AFG1L: variants seen among roughly 807,000 people sequenced by gnomAD.
The protein encoded by AFG1L is AFG1-like ATPase.
A neutral mutation model predicts 62.2 loss-of-function variants in AFG1L; 53 were observed. That is an observed-to-expected ratio of 0.85 (90% CI 0.68 to 1.07). The LOEUF is 1.07. Among genes scored for constraint, AFG1L ranks in the 50% least tolerant of loss-of-function variants. The pLI, the probability that AFG1L is intolerant of heterozygous loss-of-function variation, is 0.00. For missense variants in AFG1L, 555 were observed against 590.5 expected (o/e 0.94, Z 0.62); for synonymous variants, 228 against 210.3 (o/e 1.08, Z -0.73).
intron 10 of AFG1L, among the ~76,000 whole-genome samples, chr6:108,496,008 AG>A (rs1255582104): frequency 6.6e-6 from 1 of 152,242 alleles, no homozygotes; most frequent in Non-Finnish European, 1.5e-5. Flanking sequence ...AACATACTCA[AG>A]GATGCTACTA....
At chr6:108,312,585 A>G (rs1344456227) in intron 1 of AFG1L, among the ~76,000 whole-genome samples, 1 of 152,174 alleles carries the variant, frequency 6.6e-6, no homozygotes, top group Non-Finnish European at 1.5e-5. Flanking sequence ...ATAAAAAAGA[A>G]TATCAATACA....
At chr6:108,411,176 C>A (rs1782092530) in intron 7 of AFG1L, among the ~76,000 whole-genome samples, 1 of 152,056 alleles carries the variant, frequency 6.6e-6, no homozygotes, top group African/African-American at 2.4e-5. Context: ...GCACAGCAGT[C>A]TGAGATTGAA....
intron 6 of AFG1L, among the ~76,000 whole-genome samples, chr6:108,396,928 T>C (rs1377300834): frequency 6.6e-6 from 1 of 152,244 alleles, no homozygotes; most frequent in Non-Finnish European, 1.5e-5. Flanking sequence ...AACAATCCAT[T>C]ATACTCTATT....
chr6:108,389,060 C>A (rs1780918985), intron 6 of AFG1L, among the ~76,000 whole-genome samples: 1 of 152,116 alleles, frequency 6.6e-6, no homozygotes, highest in African/African-American at 2.4e-5. Context: ...TCTGGGTGCT[C>A]CTGTATTGGG....
intron 1 of AFG1L, among the ~76,000 whole-genome samples, chr6:108,309,337 GTTCCATTGGTCTA>G (rs1324709659): frequency 6.6e-6 from 1 of 151,982 alleles, no homozygotes; most frequent in African/African-American, 2.4e-5. Flanking sequence ...CTTCTATTTT[GTTCCATTGGTCTA>G]TTCTTGTACC....
At chr6:108,485,949 A>G (rs904800881) in intron 10 of AFG1L, among the ~76,000 whole-genome samples, 44 of 151,896 alleles carry the variant, frequency 2.9e-4, no homozygotes, top group African/African-American at 1.0e-3. Flanking sequence ...CTGGGATTAC[A>G]GGCATGAGCC....
chr6:108,307,537 AGTAACT>A (rs1467334695), intron 1 of AFG1L, among the ~76,000 whole-genome samples: 1 of 151,726 alleles, frequency 6.6e-6, no homozygotes, highest in East Asian at 1.9e-4. Flanking sequence ...CAGTCTCCTG[AGTAACT>A]GAGACTACAG....
intron 8 of AFG1L, among the ~76,000 whole-genome samples, chr6:108,451,800 C>G (rs970731766): frequency 5.9e-5 from 9 of 152,010 alleles, no homozygotes; most frequent in Admixed American, 5.2e-4. Context: ...CTCACTGCAA[C>G]CTCTGCTTCC....
intron 11 of AFG1L, among the ~76,000 whole-genome samples, chr6:108,519,479 G>T (rs1420857720): frequency 6.6e-6 from 1 of 152,144 alleles, no homozygotes; most frequent in Non-Finnish European, 1.5e-5. Context: ...TACTTCACAG[G>T]GTGGTATGAG....
At chr6:108,402,464 GA>G in intron 7 of AFG1L, among the ~76,000 whole-genome samples, 1 of 70,984 alleles carries the variant, frequency 1.4e-5, no homozygotes, top group African/African-American at 8.7e-5. Context: ...ACGCCGTCTC[GA>G]ATAAAAAAAA....
At chr6:108,497,835 G>A (rs1774031059) in intron 10 of AFG1L, among the ~76,000 whole-genome samples, 1 of 152,156 alleles carries the variant, frequency 6.6e-6, no homozygotes, top group Admixed American at 6.5e-5. Context: ...GTAAATCTCT[G>A]TAGCAAGTAT....
intron 8 of AFG1L, 80 bp from the exon 9 acceptor site, chr6:108,476,785 A>G: frequency 1.0e-6 from 1 of 955,502 alleles, no homozygotes; most frequent in South Asian, 1.4e-5. Context: ...ATGGGCAAAA[A>G]GCTAAGCAGT....
intron 7 of AFG1L, among the ~76,000 whole-genome samples, chr6:108,417,960 G>A (rs1357107028): frequency 2.0e-5 from 3 of 152,000 alleles, no homozygotes; most frequent in South Asian, 4.2e-4. Flanking sequence ...CAGCCTCCCG[G>A]GTAGCTGGGA....
chr6:108,348,969 G>T (rs1778973849), intron 3 of AFG1L, among the ~76,000 whole-genome samples: 1 of 152,128 alleles, frequency 6.6e-6, no homozygotes, highest in Non-Finnish European at 1.5e-5. Context: ...CAGCCATATG[G>T]TAACTAATTG....
chr6:108,315,330 T>C (rs938400430), intron 1 of AFG1L, among the ~76,000 whole-genome samples: 4 of 152,220 alleles, frequency 2.6e-5, no homozygotes, highest in Non-Finnish European at 5.9e-5. Flanking sequence ...TGGGATGTTA[T>C]TGATATTTCT....
intron 10 of AFG1L, 138 bp from the exon 11 acceptor site, chr6:108,510,074 G>T: frequency 1.7e-6 from 1 of 596,544 alleles, no homozygotes; most frequent in Non-Finnish European, 2.9e-6. Flanking sequence ...AACTGCCTAT[G>T]GGTAACTTGG....
At position 108,382,712 on chromosome 6, in the gene AFG1L, C is replaced by T. The variant is rs146128657; in HGVS notation, c.748+16380C>T. The stretch of plus-strand genomic sequence containing the variant: ...GGAAACTATGGAGGCATTTCTGTCA[C>T]AGTTATGAACACATCCAGGATGACA... On this transcript the variant is annotated intron_variant, in intron 6 of 12. Coordinates refer to ENST00000368977, the MANE Select transcript of AFG1L (RefSeq NM_145315.5). Among the ~76,000 whole-genome samples, 298 of 152,268 alleles carry T rather than the reference C, an allele frequency of 2.0e-3. 2 individuals carry two copies. The highest frequency in any genetic ancestry group is 6.5e-3 in the African/African-American group (268 of 41,538).
At chr6:108,380,667 G>T (rs575578620) in intron 6 of AFG1L, among the ~76,000 whole-genome samples, 1 of 152,300 alleles carries the variant, frequency 6.6e-6, no homozygotes, top group Admixed American at 6.5e-5. Flanking sequence ...GGTCACCAAA[G>T]AATGGCCGAG....
chr6:108,442,929 A>G (rs1771611202), intron 7 of AFG1L, among the ~76,000 whole-genome samples: 1 of 152,112 alleles, frequency 6.6e-6, no homozygotes, highest in Non-Finnish European at 1.5e-5. Flanking sequence ...AATGCAATCT[A>G]TGCCCTGGAT....
Sources: allele counts gnomAD v4.1 joint callset (sites outside exome capture counted in the v4.1 genomes callset), GRCh38; gene constraint gnomAD v4.1.1; transcripts MANE v1.5; gene names NCBI Gene and HGNC (gene_info 2026-07-23, HGNC 2026-07-21).